The following GRID1 variants were observed in gnomAD, a reference collection of about 807,000 sequenced individuals.
The protein encoded by GRID1 is glutamate receptor ionotropic, delta-1.
GRID1 carries 28 observed loss-of-function variants against 98.0 expected under a neutral mutation model. That is an observed-to-expected ratio of 0.29 (90% CI 0.21 to 0.39). The LOEUF (loss-of-function observed/expected upper bound fraction) is 0.39. Among genes scored for constraint, GRID1 ranks in the 10% least tolerant of loss-of-function variants. The pLI is 1.00. For synonymous variants in GRID1, 553 were observed against 538.5 expected (o/e 1.03, Z -0.37); for missense variants, 1,111 against 1,340.5 (o/e 0.83, Z 2.67).
chr10:86,361,878 G>A (rs889364738), intron 2 of GRID1, among the ~76,000 whole-genome samples: 5 of 152,214 alleles, frequency 3.3e-5, no homozygotes, highest in Admixed American at 6.5e-5. Flanking sequence ...TGTACTCCAG[G>A]TGCCACAGGA....
chr10:85,676,644 A>C (rs1841148648), intron 12 of GRID1, among the ~76,000 whole-genome samples: 1 of 152,200 alleles, frequency 6.6e-6, no homozygotes, highest in Non-Finnish European at 1.5e-5. Context: ...TAGAACAGCA[A>C]AGGGAAGCTG....
At chr10:86,016,812 G>A (rs1167516039) in intron 4 of GRID1, among the ~76,000 whole-genome samples, 1 of 152,184 alleles carries the variant, frequency 6.6e-6, no homozygotes, top group Non-Finnish European at 1.5e-5. Flanking sequence ...CGCAAATGGT[G>A]AGCAGCTGGG....
At chr10:86,228,184 G>A (rs1217109401) in intron 2 of GRID1, among the ~76,000 whole-genome samples, 1 of 151,064 alleles carries the variant, frequency 6.6e-6, no homozygotes, top group African/African-American at 2.4e-5. Context: ...TGAGTAGGTG[G>A]GTGGATGGAT....
At chr10:85,657,483 A>G (rs1564550414) in intron 12 of GRID1, among the ~76,000 whole-genome samples, 1 of 152,196 alleles carries the variant, frequency 6.6e-6, no homozygotes, top group Non-Finnish European at 1.5e-5. Flanking sequence ...ACTCTAATGA[A>G]CATAGGTTAT....
At chr10:86,175,273 T>C (rs1341933236) in intron 3 of GRID1, among the ~76,000 whole-genome samples, 1 of 150,942 alleles carries the variant, frequency 6.6e-6, no homozygotes, top group Non-Finnish European at 1.5e-5. Flanking sequence ...TGTGTATTTC[T>C]CTCTCCCCTT....
Position 86,164,622 on chromosome 10 carries a change from A to C in GRID1, c.521-25598T>G, listed in dbSNP as rs187581926. 2.0e-5 allele frequency among the ~76,000 whole-genome samples: 3 copies of C among 152,334 alleles called. No individual in the cohort carries two copies. The East Asian group carries it at 5.8e-4, about 29-fold the overall frequency. On this transcript the variant is annotated intron_variant, in intron 3 of 15. Coordinates refer to ENST00000327946, the MANE Select transcript of GRID1 (RefSeq NM_017551.3). Reference sequence around the variant, plus strand: ...AACAAGGACAAAGTCTAACTTCATCAGGGGGTCAGGGAGAGTTTCCCAAGA... The same window carrying C: ...AACAAGGACAAAGTCTAACTTCATCCGGGGGTCAGGGAGAGTTTCCCAAGA...
chr10:85,837,649 A>C (rs1221681063), intron 8 of GRID1, among the ~76,000 whole-genome samples: 1 of 152,090 alleles, frequency 6.6e-6, no homozygotes, highest in African/African-American at 2.4e-5. Flanking sequence ...AAAAAAAAAA[A>C]ACCATCCAGA....
intron 3 of GRID1, among the ~76,000 whole-genome samples, chr10:86,203,702 G>C (rs1024736883): frequency 1.3e-5 from 2 of 151,772 alleles, no homozygotes; most frequent in African/African-American, 2.4e-5. Context: ...ACCCTGGACA[G>C]CGCCATGAGC....
intron 12 of GRID1, among the ~76,000 whole-genome samples, chr10:85,706,914 G>C (rs147824701): frequency 0.019 from 2,869 of 152,300 alleles, 81 homozygotes; most frequent in African/African-American, 0.065. Context: ...GCCATATGTA[G>C]AAAGCTGAAA....
intron 2 of GRID1, among the ~76,000 whole-genome samples, chr10:86,272,389 A>C (rs757802667): frequency 2.0e-5 from 3 of 152,192 alleles, no homozygotes; most frequent in Non-Finnish European, 2.9e-5. Flanking sequence ...GTATTGTGGC[A>C]TTTTTACTTG....
intron 4 of GRID1, among the ~76,000 whole-genome samples, chr10:86,103,294 C>T (rs1187394104): frequency 2.0e-5 from 3 of 152,314 alleles, no homozygotes; most frequent in East Asian, 3.9e-4. Flanking sequence ...CACTCTGCCA[C>T]CTGAGGCTGA....
chr10:85,750,894 C>T (rs942835621), intron 8 of GRID1, among the ~76,000 whole-genome samples: 9 of 152,170 alleles, frequency 5.9e-5, no homozygotes, highest in African/African-American at 2.2e-4. Context: ...CGGTCCACCT[C>T]CTGGATATAA....
At chr10:85,954,605 T>C (rs190687138) in intron 4 of GRID1, among the ~76,000 whole-genome samples, 1 of 152,248 alleles carries the variant, frequency 6.6e-6, no homozygotes, top group Non-Finnish European at 1.5e-5. Context: ...TGCCACTAAA[T>C]TTGACAACAT....
At chr10:85,645,280 A>G (rs1446423787) in intron 13 of GRID1, among the ~76,000 whole-genome samples, 1 of 152,142 alleles carries the variant, frequency 6.6e-6, no homozygotes, top group African/African-American at 2.4e-5. Flanking sequence ...CGCGAAGGCC[A>G]TTTGGCCCAG....
intron 7 of GRID1, 41 bp downstream of exon 7, chr10:85,855,988 G>A (rs1232928415): frequency 6.3e-7 from 1 of 1,589,382 alleles, no homozygotes; most frequent in South Asian, 1.1e-5. Flanking sequence ...ATAAGAAGGG[G>A]CCTGTCTTTG....
intron 12 of GRID1, among the ~76,000 whole-genome samples, chr10:85,648,408 G>A (rs980937627): frequency 1.3e-5 from 2 of 152,188 alleles, no homozygotes; most frequent in African/African-American, 4.8e-5. Flanking sequence ...GCCCAGTGGG[G>A]AGCCAGCCTC....
chr10:85,853,993 C>T (rs1590266167), intron 8 of GRID1, among the ~76,000 whole-genome samples: 2 of 152,334 alleles, frequency 1.3e-5, no homozygotes, highest in East Asian at 3.9e-4. Context: ...AGTTGTTCAA[C>T]TCCTCTGTCT....
At chr10:85,947,313 G>A (rs1010117758) in intron 4 of GRID1, among the ~76,000 whole-genome samples, 1 of 152,238 alleles carries the variant, frequency 6.6e-6, no homozygotes, top group Non-Finnish European at 1.5e-5. Flanking sequence ...ACTCCAAGCT[G>A]TGAACACGGA....
At chr10:86,110,027 C>T (rs1035834309) in intron 4 of GRID1, among the ~76,000 whole-genome samples, 1 of 147,282 alleles carries the variant, frequency 6.8e-6, no homozygotes, top group East Asian at 2.0e-4. Context: ...GGCCGGAGTG[C>T]AGTGGAGTGA....
Sources: allele counts gnomAD v4.1 joint callset (sites outside exome capture counted in the v4.1 genomes callset), GRCh38; gene constraint gnomAD v4.1.1; transcripts MANE v1.5; gene names NCBI Gene and HGNC (gene_info 2026-07-23, HGNC 2026-07-21).